Variants in BUD31 observed in about 807,000 individuals in gnomAD.
BUD31 encodes the protein BUD31 spliceosome associated protein.
Under a neutral mutation model 17.9 loss-of-function variants are expected in BUD31, and 9 were observed. That is an observed-to-expected ratio of 0.50 (90% CI 0.30 to 0.88). The LOEUF is 0.88. Among genes scored for constraint, BUD31 ranks in the 40% least tolerant of loss-of-function variants. The probability of loss-of-function intolerance (pLI) is 0.06; values close to 1 mark genes in which losing one functional copy is unlikely to be tolerated. For missense variants in BUD31, 148 were observed against 184.5 expected, an observed-to-expected ratio of 0.80 and a Z score of 1.15; for synonymous variants, 70 against 64.7, an observed-to-expected ratio of 1.08 and a Z score of -0.39.
chr7:99,415,424 G>A (rs1795373473), intron 3 of BUD31, among the ~76,000 whole-genome samples: 1 of 152,144 alleles, frequency 6.6e-6, no homozygotes, highest in South Asian at 2.1e-4. Context: ...GCAGAGCCAG[G>A]TGTACAGGAT....
rs1320969996 is a variant in BUD31, at chr7:99,419,517, G to A, written c.*76G>A. 30 of 1,554,968 alleles carry A rather than the reference G, an allele frequency of 1.9e-5. No individual in the cohort carries two copies. The highest frequency in any genetic ancestry group is 1.7e-4 in the Middle Eastern group (1 of 5,934). On this transcript the variant is annotated 3_prime_UTR_variant, in exon 6 of 6. Coordinates refer to ENST00000222969, the MANE Select transcript of BUD31 (RefSeq NM_003910.4). ...ACGCCACCCCCTTCCTGGGAGCAGC[G>A]AGCAGTGCCCCAGGCCCGAGTTGGA...
At chr7:99,419,361 G>A (rs1795690684) in intron 5 of BUD31, 30 bp from the exon 6 acceptor site, 1 of 1,611,960 alleles carries the variant, frequency 6.2e-7, no homozygotes, top group East Asian at 2.2e-5. Flanking sequence ...TGGCGCAGTG[G>A]CATCGTCTCA....
At chr7:99,416,877 C>T (rs548906565) in intron 4 of BUD31, 1 of 165,118 alleles carries the variant, frequency 6.1e-6, no homozygotes, top group South Asian at 1.5e-4. Context: ...TGCACCACCA[C>T]ACCCAGCTAA....
In BUD31 at chr7:99,417,587, C is replaced by T; in HGVS notation, c.376C>T (p.Leu126=). The T allele has an allele frequency of 1.9e-6, 3 of 1,612,034 alleles. No individual in the cohort carries two copies. Among genetic ancestry groups the T allele is most frequent in the Non-Finnish European group, 2.5e-6 (3 of 1,179,944 alleles). The change falls in exon 5 of 6, where the codon CTG becomes TTG. Residue 126 remains leucine, a synonymous_variant. Coordinates refer to ENST00000222969, the MANE Select transcript of BUD31 (RefSeq NM_003910.4). ...NCICRVPKSK[L]EVGRIIECTH... is the part of the protein sequence containing the mutation. ...CATCTGCCGCGTGCCCAAAAGCAAG[C>T]TGGAAGTGGTAATGTCTGACACTCA...
At chr7:99,416,743 CAG>C (rs1392312482) in intron 4 of BUD31, 6 of 75,502 alleles carry the variant, frequency 7.9e-5, no homozygotes, top group East Asian at 3.8e-4. Context: ...TTTTTTGAAA[CAG>C]GGTCTTGCTC....
intron 3 of BUD31, chr7:99,415,277 A>G (rs1265429509): frequency 4.4e-6 from 2 of 456,076 alleles, no homozygotes; most frequent in Admixed American, 4.7e-5. Flanking sequence ...GTAAGGCCAC[A>G]TGGGTCACGT....
intron 2 of BUD31, among the ~76,000 whole-genome samples, 177 bp downstream of exon 2, chr7:99,410,346 G>A (rs1257082446): frequency 6.6e-6 from 1 of 151,096 alleles, no homozygotes; most frequent in East Asian, 2.0e-4. Context: ...AGCCTTCCGT[G>A]TAGCTCAGAC....
chr7:99,414,893 C>T (rs1462603161), intron 3 of BUD31, among the ~76,000 whole-genome samples: 10 of 152,172 alleles, frequency 6.6e-5, no homozygotes, highest in Admixed American at 5.9e-4. Context: ...CCACCGATTC[C>T]GGCCAGCCCT....
At chr7:99,414,686 T>G (rs1225327692) in intron 3 of BUD31, among the ~76,000 whole-genome samples, 1 of 152,090 alleles carries the variant, frequency 6.6e-6, no homozygotes, top group East Asian at 1.9e-4. Flanking sequence ...ATCCTCCGCC[T>G]CTGGGTTCAA....
intron 5 of BUD31, chr7:99,417,973 T>G: frequency 1.7e-6 from 2 of 1,183,772 alleles, no homozygotes; most frequent in Non-Finnish European, 2.1e-6. Context: ...ATCACTATCT[T>G]TCCCGCCCCC....
intron 3 of BUD31, chr7:99,415,107 G>A (rs1795346738): frequency 4.7e-6 from 2 of 426,634 alleles, no homozygotes; most frequent in East Asian, 1.5e-4. Flanking sequence ...AGAGAGCGTA[G>A]AAATAAAGAC....
chr7:99,413,008 G>C (rs1021297525), intron 3 of BUD31, among the ~76,000 whole-genome samples: 1 of 152,046 alleles, frequency 6.6e-6, no homozygotes, highest in African/African-American at 2.4e-5. Context: ...GGCAATTTAC[G>C]AAAGAACGAG....
intron 3 of BUD31, among the ~76,000 whole-genome samples, chr7:99,414,973 G>A (rs1303103230): frequency 2.6e-5 from 4 of 152,290 alleles, no homozygotes; most frequent in African/African-American, 9.6e-5. Context: ...CACCAGGAAC[G>A]TAGGAGAGTT....
chr7:99,415,654 A>G (rs1795398250), intron 3 of BUD31, among the ~76,000 whole-genome samples: 1 of 152,086 alleles, frequency 6.6e-6, no homozygotes, highest in Non-Finnish European at 1.5e-5. Flanking sequence ...CTACTGCTAG[A>G]CCAAGGTCCG....
At position 99,408,969 on chromosome 7, in the gene BUD31, G is replaced by GTT. The variant is rs2150911183; in HGVS notation, c.-441_-440insTT. The stretch of plus-strand genomic sequence containing the variant: ...ATCGCCTGAAGAGCGGAAGCCTTCT[G>GTT]TCGAGAAGCAGCTACCCAAGCTCCA... On this transcript the variant is annotated 5_prime_UTR_variant, in exon 1 of 6. Transcript: ENST00000222969. 1 of 162,734 alleles carries GTT rather than the reference G, an allele frequency of 6.1e-6. No individual in the cohort carries two copies. Among genetic ancestry groups the GTT allele is most frequent in the African/African-American group, 2.4e-5 (1 of 42,032 alleles). The allele number at this position is 162,734 out of a possible 1,614,324, so 10.1% of individuals were successfully genotyped here.
Position 99,411,108 on chromosome 7 carries a change from A to C in BUD31, c.16A>C (p.Arg6=), listed in dbSNP as rs1053867. The part of the protein sequence containing the change: MPKVK[R]SRKAPPDGWE... Reference sequence around the variant, plus strand: ...TGGAAGGAAAATGCCTAAAGTCAAAAGAAGCCGGAAAGCACCCCCAGATGG... The same window carrying C: ...TGGAAGGAAAATGCCTAAAGTCAAACGAAGCCGGAAAGCACCCCCAGATGG... Residue 6 remains arginine, a synonymous_variant, in exon 3 of 6, where the codon AGA becomes CGA. Transcript: ENST00000222969. 4 of 1,614,022 alleles carry C rather than the reference A, an allele frequency of 2.5e-6. No homozygotes were observed. The highest frequency in any genetic ancestry group is 3.4e-6 in the Non-Finnish European group (4 of 1,180,026).
At chr7:99,410,948 T>C (rs1475423325) in intron 2 of BUD31, 116 bp from the exon 3 acceptor site, 7 of 653,912 alleles carry the variant, frequency 1.1e-5, no homozygotes, top group Non-Finnish European at 1.9e-5. Context: ...TGCTGAGCCC[T>C]GTCCCATAGC....
At position 99,419,354 on chromosome 7, in the gene BUD31, C is replaced by T. The variant is rs537035028; in HGVS notation, c.385-37C>T. On this transcript the variant is annotated intron_variant, in intron 5 of 5. Coordinates refer to ENST00000222969, the MANE Select transcript of BUD31 (RefSeq NM_003910.4). ...TGTGAGTGTGCAGGGGCGAGCGTGG[C>T]GCAGTGGCATCGTCTCACTGTCCTC... 98 of 1,610,546 alleles carry T rather than the reference C, an allele frequency of 6.1e-5. 2 individuals are homozygous for T. Among genetic ancestry groups the T allele is most frequent in the South Asian group, 6.0e-4 (55 of 91,048 alleles).
chr7:99,415,157 C>T, intron 3 of BUD31: 1 of 448,606 alleles, frequency 2.2e-6, no homozygotes, highest in Non-Finnish European at 4.5e-6. Flanking sequence ...CCTGGGAATC[C>T]CACCAAGACG....
Sources: gnomAD v4.1 joint callset for allele counts (sites outside exome capture counted in the v4.1 genomes callset) on GRCh38, gnomAD v4.1.1 for gene constraint, MANE v1.5 for transcripts, NCBI Gene and HGNC (gene_info 2026-07-23, HGNC 2026-07-21) for gene names.